Variants in BRD1 observed in about 807,000 individuals in gnomAD.
BRD1 encodes the protein bromodomain-containing protein 1.
BRD1 carries 24 observed loss-of-function variants against 107.7 expected under a neutral mutation model. That is an observed-to-expected ratio of 0.22 (90% confidence interval 0.16 to 0.31). The LOEUF (loss-of-function observed/expected upper bound fraction) is 0.31, where lower values mean the gene tolerates loss of function less well. Ranked by LOEUF, BRD1 falls within the 10% of genes least tolerant of loss-of-function variation. The pLI, the probability that BRD1 is intolerant of heterozygous loss-of-function variation, is 1.00. For synonymous variants in BRD1, 744 were observed against 686.1 expected (o/e 1.08, Z -1.32); for missense variants, 1,279 against 1,638.6 (o/e 0.78, Z 3.79).
At chr22:49,809,789 C>T (rs1254368148) in intron 2 of BRD1, among the ~76,000 whole-genome samples, 1 of 152,140 alleles carries the variant, frequency 6.6e-6, no homozygotes, top group African/African-American at 2.4e-5. Context: ...AACGGGACAT[C>T]TTGAAAATAT....
rs148386053 is a variant in BRD1 at position 49,812,873 on chromosome 22, C to T, written c.1368-8513G>A. On this transcript the variant is annotated intron_variant, in intron 2 of 12. Transcript: ENST00000404760. ...CGTTCTGGAGACAAGGTGCCGCCCACTGTACACGGACGCACCAAGGACCTC... is the reference window on the plus strand; with the variant it reads ...CGTTCTGGAGACAAGGTGCCGCCCATTGTACACGGACGCACCAAGGACCTC... Among the ~76,000 whole-genome samples, 526 of 151,806 alleles carry T rather than the reference C, an allele frequency of 3.5e-3. 6 individuals are homozygous for T. The highest frequency in any genetic ancestry group is 0.012 in the African/African-American group (508 of 41,368).
At position 49,777,740 on chromosome 22, in the gene BRD1, G is replaced by T. The variant is rs751791848; in HGVS notation, c.2931C>A (p.Pro977=). 6.2e-7 allele frequency: 1 copy of T among 1,607,218 alleles called. No homozygotes were observed. Among genetic ancestry groups the T allele is most frequent in the South Asian group, 1.1e-5 (1 of 89,982 alleles). ...TGGACTCGGAGGCACAGCGTCGTCG[G>T]GGTGTGGCCTTCCTCCCCAGGCCGC... ...PGGGLGRKAT[P]RRRCASESSI... Residue 977 remains proline (P), a synonymous_variant, in exon 9 of 13, where the codon CCC becomes CCA. Coordinates refer to ENST00000404760, the MANE Select transcript of BRD1 (RefSeq NM_001304808.3).
At chr22:49,810,399 A>C (rs1392534223) in intron 2 of BRD1, among the ~76,000 whole-genome samples, 1 of 152,206 alleles carries the variant, frequency 6.6e-6, no homozygotes, top group Non-Finnish European at 1.5e-5. Context: ...TAAAACTCCT[A>C]TTAAAAGACC....
In BRD1 at chr22:49,775,588, C is replaced by T. The variant is rs1156312478; in HGVS notation, c.3386+3G>A. 2 of 1,604,458 alleles carry T rather than the reference C, an allele frequency of 1.2e-6. No individual in the cohort carries two copies. The highest frequency in any genetic ancestry group is 2.2e-5 in the East Asian group (1 of 44,566). On this transcript the variant is annotated splice_donor_region_variant and intron_variant, in intron 12 of 12. Coordinates refer to ENST00000404760, the MANE Select transcript of BRD1 (RefSeq NM_001304808.3). The stretch of plus-strand genomic sequence containing the variant: ...CCCCGGAGTCTAAGGCCTCTCAACT[C>T]ACCAACTTCTCTTATTATCAAAAAA...
chr22:49,777,012 G>A (rs1398409639), intron 10 of BRD1, 22 bp downstream of exon 10: 2 of 1,612,692 alleles, frequency 1.2e-6, no homozygotes, highest in Non-Finnish European at 1.7e-6. Context: ...GAGAGCCATG[G>A]AGGCAGGTCC....
intron 7 of BRD1, among the ~76,000 whole-genome samples, chr22:49,788,378 A>T (rs761873586): frequency 6.6e-6 from 1 of 152,182 alleles, no homozygotes; most frequent in African/African-American, 2.4e-5. Flanking sequence ...AACAAACAAA[A>T]AAAACAGGGA....
At chr22:49,805,801 A>G (rs1434628562) in intron 2 of BRD1, 3 of 145,038 alleles carry the variant, frequency 2.1e-5, no homozygotes, top group African/African-American at 7.8e-5. Flanking sequence ...GAGTGCAGTG[A>G]CGCAATTTCA....
chr22:49,805,220 C>T lies in BRD1; in HGVS notation c.1368-860G>A, dbSNP rs185808495. 1.1e-4 allele frequency among the ~76,000 whole-genome samples: 16 copies of T among 152,366 alleles called. No individual in the cohort carries two copies. The East Asian group carries it at 2.3e-3, about 22-fold the overall frequency. On this transcript the variant is annotated intron_variant, in intron 2 of 12. Coordinates refer to ENST00000404760, the MANE Select transcript of BRD1 (RefSeq NM_001304808.3). ...TGCTGCCCTTGGGGGCACATGGAGC[C>T]ACCAAGACCCTCGGCGCCTCTCATC...
At position 49,777,789 on chromosome 22, in the gene BRD1, G is replaced by T. The variant is rs770971061; in HGVS notation, c.2882C>A (p.Ala961Glu). ...GCCGCCCGGCTCCTGCTCGCTCCTC[G>T]CACCCCCAAAGCCGTTGGTGAGACC... Reference protein sequence around the residue: ...DAGLTNGFGGARSEQEPGGGL... With the variant: ...DAGLTNGFGGERSEQEPGGGL... Residue 961 changes from alanine to glutamate, a missense_variant, in exon 9 of 13, where the codon GCG becomes GAG. Physicochemically the swap from Ala to Glu is moderately radical, Grantham distance 107 (BLOSUM62 -1). Coordinates refer to ENST00000404760, the MANE Select transcript of BRD1 (RefSeq NM_001304808.3). The T allele has an allele frequency of 6.2e-7, 1 of 1,603,278 alleles. No individual in the cohort carries two copies. Among genetic ancestry groups the T allele is most frequent in the South Asian group, 1.1e-5 (1 of 90,084 alleles).
intron 2 of BRD1, among the ~76,000 whole-genome samples, chr22:49,821,185 G>A (rs2060059074): frequency 6.6e-6 from 1 of 152,214 alleles, no homozygotes; most frequent in South Asian, 2.1e-4. Context: ...AGAACAGAGA[G>A]CGTGCGGCCC....
chr22:49,784,771 A>C (rs1397415909), intron 8 of BRD1, among the ~76,000 whole-genome samples: 1 of 152,212 alleles, frequency 6.6e-6, no homozygotes, highest in Admixed American at 6.5e-5. Flanking sequence ...GTGAAACCAA[A>C]GCGAGGGCGG....
intron 5 of BRD1, among the ~76,000 whole-genome samples, 181 bp downstream of exon 5, chr22:49,798,377 C>CT (rs1254361567): frequency 6.6e-6 from 1 of 152,186 alleles, no homozygotes; most frequent in African/African-American, 2.4e-5. Flanking sequence ...GCCCACTGCA[C>CT]TTTCAGTATT....
Position 49,783,756 on chromosome 22 carries a change from G to T in BRD1, c.2857+3634C>A, listed in dbSNP as rs772793108. Reference sequence around the variant, plus strand: ...ACTTACAGAGGGGGTGGGCTGGGGTGGGGGAGAGCTCCTCCAGGGCTGCTG... The same window carrying T: ...ACTTACAGAGGGGGTGGGCTGGGGTTGGGGAGAGCTCCTCCAGGGCTGCTG... On this transcript the variant is annotated intron_variant, in intron 8 of 12. Transcript: ENST00000404760. This position sits in a 1 kb window ranked among gnomAD's most constrained non-coding sequence, Gnocchi z 4.2. Among the ~76,000 whole-genome samples the T allele has an allele frequency of 2.0e-5, 3 of 152,166 alleles. No individual in the cohort carries two copies. The highest frequency in any genetic ancestry group is 4.4e-5 in the Non-Finnish European group (3 of 68,024).
intron 6 of BRD1, 128 bp from the exon 7 acceptor site, chr22:49,794,422 G>T: frequency 7.9e-7 from 1 of 1,264,388 alleles, no homozygotes; most frequent in Non-Finnish European, 1.1e-6. Context: ...CGAGGCCCAG[G>T]CCCTGCTCAC....
At chr22:49,798,840 G>A in intron 4 of BRD1, 148 bp downstream of exon 4, 1 of 1,431,126 alleles carries the variant, frequency 7.0e-7, no homozygotes, top group Non-Finnish European at 9.2e-7. Context: ...TGCAACCCAT[G>A]GCAGCCAGGC....
intron 3 of BRD1, among the ~76,000 whole-genome samples, chr22:49,799,599 C>T (rs966559166): frequency 1.4e-4 from 21 of 152,230 alleles, no homozygotes; most frequent in African/African-American, 4.6e-4. Context: ...ATGACGGGGG[C>T]CTGGCACACA....
chr22:49,810,783 A>G (rs930805751), intron 2 of BRD1, among the ~76,000 whole-genome samples: 2 of 152,248 alleles, frequency 1.3e-5, no homozygotes, highest in Non-Finnish European at 2.9e-5. Context: ...AATGGGTATC[A>G]TCAAAAGGAC....
intron 8 of BRD1, among the ~76,000 whole-genome samples, chr22:49,786,492 T>C (rs2059328310): frequency 6.6e-6 from 1 of 152,208 alleles, no homozygotes; most frequent in South Asian, 2.1e-4. Context: ...TGAGAAGCGC[T>C]TTCCAGTGCT....
chr22:49,803,929 G>A lies in BRD1; in HGVS notation c.1524+275C>T, dbSNP rs188077020. On this transcript the variant is annotated intron_variant, in intron 3 of 12. Transcript: ENST00000404760. The surrounding 1 kb of genome is among the most constrained non-coding windows in gnomAD (Gnocchi z 4.4). Reference sequence around the variant, plus strand: ...CCCCAGAGCTGGCCACTGCCCATCAGCGTGTGTGCGGGCAGGGCAGGGCGG... The same window carrying A: ...CCCCAGAGCTGGCCACTGCCCATCAACGTGTGTGCGGGCAGGGCAGGGCGG... Among the ~76,000 whole-genome samples the A allele has an allele frequency of 1.3e-5, 2 of 152,354 alleles. No homozygotes were observed. Among genetic ancestry groups the A allele is most frequent in the African/African-American group, 2.4e-5 (1 of 41,574 alleles).
Sources: gnomAD v4.1 joint callset for allele counts (sites outside exome capture counted in the v4.1 genomes callset) on GRCh38, gnomAD v4.1.1 for gene constraint, Gnocchi (gnomAD v3.1) non-coding constraint, MANE v1.5 for transcripts, NCBI Gene and HGNC (gene_info 2026-07-23, HGNC 2026-07-21) for gene names.